Variants in SYNE3 observed in about 807,000 individuals in gnomAD.
SYNE3 encodes nesprin-3.
Under a neutral mutation model 111.2 loss-of-function variants are expected in SYNE3, and 100 were observed. That is an observed-to-expected ratio of 0.90 (90% CI 0.77 to 1.06). SYNE3 has a LOEUF of 1.06. Ranked by LOEUF, SYNE3 falls within the 50% of genes least tolerant of loss-of-function variation. SYNE3 has a pLI of 0.00. For missense variants in SYNE3, 1,160 were observed against 1,240.3 expected (o/e 0.94, Z 0.97); for synonymous variants, 547 against 533.9 (o/e 1.02, Z -0.34).
At chr14:95,422,133 C>T (rs184668990) in intron 17 of SYNE3, among the ~76,000 whole-genome samples, 154 of 152,296 alleles carry the variant, frequency 1.0e-3, no homozygotes, top group African/African-American at 3.6e-3. Flanking sequence ...TCCCTCCCTG[C>T]ACCTCTGGCC....
intron 2 of SYNE3, among the ~76,000 whole-genome samples, chr14:95,472,526 G>A (rs912649888): frequency 2.6e-5 from 4 of 152,186 alleles, no homozygotes; most frequent in African/African-American, 4.8e-5. Flanking sequence ...CCTCCATTTC[G>A]CCAGCTCTGC....
intron 11 of SYNE3, among the ~76,000 whole-genome samples, 163 bp downstream of exon 11, chr14:95,442,992 A>G (rs1161362171): frequency 1.3e-5 from 2 of 152,196 alleles, no homozygotes; most frequent in South Asian, 2.1e-4. Flanking sequence ...GAGGTGCTCA[A>G]TAATTGTCTG....
intron 17 of SYNE3, among the ~76,000 whole-genome samples, chr14:95,420,252 A>G (rs1029367453): frequency 6.6e-6 from 1 of 152,090 alleles, no homozygotes; most frequent in African/African-American, 2.4e-5. Flanking sequence ...GAGTTCACAG[A>G]GAAGGTGGTT....
intron 4 of SYNE3, among the ~76,000 whole-genome samples, chr14:95,465,728 G>T (rs1347662558): frequency 6.6e-6 from 1 of 152,094 alleles, no homozygotes; most frequent in East Asian, 1.9e-4. Flanking sequence ...GATTTAGTGG[G>T]GAGGTAGATG....
intron 1 of SYNE3, among the ~76,000 whole-genome samples, chr14:95,505,712 TA>T (rs1202809826): frequency 6.6e-6 from 1 of 152,102 alleles, no homozygotes; most frequent in African/African-American, 2.4e-5. Flanking sequence ...TTACCTTAAA[TA>T]AAAAAACAGG....
At chr14:95,425,097 T>C (rs1350997897) in intron 17 of SYNE3, among the ~76,000 whole-genome samples, 1 of 151,734 alleles carries the variant, frequency 6.6e-6, no homozygotes, top group African/African-American at 2.4e-5. Context: ...AAAAAACAAA[T>C]TAGCCTGGTG....
Position 95,475,748 on chromosome 14 carries a change from T to C in SYNE3, c.74A>G (p.Asp25Gly), listed in dbSNP as rs563262041. The stretch of plus-strand genomic sequence containing the variant: ...CGTGTTGTCATTGACCTGCAGCTGG[T>C]CCTGCACAGCCTTCATCCATGCCTG... ...DAQAWMKAVQDQLQVNDNTQG... is the reference protein window; with the variant it reads ...DAQAWMKAVQGQLQVNDNTQG... The change falls in exon 2 of 18, where the codon GAC (aspartate) becomes GGC (glycine). Residue 25 changes from aspartate (D) to glycine (G), a missense_variant. Coordinates refer to ENST00000682763, the MANE Select transcript of SYNE3 (RefSeq NM_152592.6). The C allele has an allele frequency of 6.2e-7, 1 of 1,608,012 alleles. No homozygotes were observed. Among genetic ancestry groups the C allele is most frequent in the African/African-American group, 1.3e-5 (1 of 74,814 alleles).
chr14:95,495,538 C>A (rs1428562806), intron 1 of SYNE3, among the ~76,000 whole-genome samples: 1 of 152,234 alleles, frequency 6.6e-6, no homozygotes, highest in African/African-American at 2.4e-5. Flanking sequence ...AGGCACTGGG[C>A]AGACACCATG....
Position 95,466,107 on chromosome 14 carries a change from AC to A in SYNE3, c.450del (p.Gln150HisfsTer4). ...AGCACCTGGGCGTGGCTCAGCTGCC[AC>A]TGCTTCTCCTTCAGGCCCAGCTGGA... ...IELQLGLKEKQWQLSHAQVLL... is the reference protein window; with the variant it reads ...IELQLGLKEKXWQLSHAQVLL... On this transcript the variant is annotated frameshift_variant, in exon 4 of 18. Transcript: ENST00000682763. LOFTEE classifies it high-confidence loss of function. 1 of 1,612,968 alleles carries A rather than the reference AC, an allele frequency of 6.2e-7. No individual in the cohort carries two copies. Among genetic ancestry groups the A allele is most frequent in the Non-Finnish European group, 8.5e-7 (1 of 1,179,028 alleles).
In SYNE3 at chr14:95,500,524, G is replaced by A. The variant is rs914026868; in HGVS notation, c.-15+16072C>T. Reference sequence around the variant, plus strand: ...AGCTGCCCTCTGGGACTTTGCTTTGGCCCAGCCGGACTCAGCGGGAGGAGG... The same window carrying A: ...AGCTGCCCTCTGGGACTTTGCTTTGACCCAGCCGGACTCAGCGGGAGGAGG... On this transcript the variant is annotated intron_variant, in intron 1 of 17. Transcript: ENST00000682763. This position sits in a 1 kb window ranked among gnomAD's most constrained non-coding sequence, Gnocchi z 4.7. Among the ~76,000 whole-genome samples the A allele has an allele frequency of 6.6e-6, 1 of 152,180 alleles. No homozygotes were observed. The highest frequency in any genetic ancestry group is 2.4e-5 in the African/African-American group (1 of 41,426).
Position 95,455,669 on chromosome 14 carries a change from T to G in SYNE3, c.845A>C (p.Gln282Pro). 3 of 1,614,230 alleles carry G rather than the reference T, an allele frequency of 1.9e-6. No individual in the cohort carries two copies. The highest frequency in any genetic ancestry group is 2.5e-6 in the Non-Finnish European group (3 of 1,180,042). Residue 282 changes from glutamine to proline, a missense_variant, in exon 6 of 18, where the codon CAG (glutamine) becomes CCG (proline). Gln to Pro is a moderately conservative substitution (Grantham distance 76). Coordinates refer to ENST00000682763, the MANE Select transcript of SYNE3 (RefSeq NM_152592.6). ...GEESLETLEE[Q>P]SAGVIRNTSP... Reference sequence around the variant, plus strand: ...GGTGTTCCGAATGACACCCGCAGACTGCTCCTCCAGCGTCTCCAGAGACTC... The same window carrying G: ...GGTGTTCCGAATGACACCCGCAGACGGCTCCTCCAGCGTCTCCAGAGACTC...
At chr14:95,511,120 T>C (rs1890706392) in intron 1 of SYNE3, among the ~76,000 whole-genome samples, 1 of 152,276 alleles carries the variant, frequency 6.6e-6, no homozygotes, top group Non-Finnish European at 1.5e-5. Flanking sequence ...CTGCTCCATC[T>C]TCACCTGCTG....
chr14:95,418,481 T>C (rs1884879957), intron 17 of SYNE3, among the ~76,000 whole-genome samples: 1 of 152,188 alleles, frequency 6.6e-6, no homozygotes, highest in African/African-American at 2.4e-5. Context: ...GCATCCTTAA[T>C]ATTTCACCAT....
In SYNE3 at chr14:95,409,305, T is replaced by A. The variant is rs1266271487; in HGVS notation, c.*8521A>T. 4.4e-6 allele frequency: 2 copies of A among 456,652 alleles called. No individual in the cohort carries two copies. The highest frequency in any genetic ancestry group is 8.8e-6 in the Non-Finnish European group (2 of 226,970). The allele number at this position is 456,652 out of a possible 1,614,324, so 28.3% of individuals were successfully genotyped here. On this transcript the variant is annotated 3_prime_UTR_variant, in exon 18 of 18. Transcript: ENST00000682763. Reference sequence around the variant, plus strand: ...TAGCACAGGCTTTTTGAAAGTGTCATGACCATATTGCAGGCGCTCGGGGTA... The same window carrying A: ...TAGCACAGGCTTTTTGAAAGTGTCAAGACCATATTGCAGGCGCTCGGGGTA...
Position 95,443,259 on chromosome 14 carries a change from C to A in SYNE3, c.1807G>T (p.Ala603Ser). Residue 603 changes from alanine (A) to serine (S), a missense_variant, in exon 11 of 18, where the codon GCA (alanine) becomes TCA (serine). Coordinates refer to ENST00000682763, the MANE Select transcript of SYNE3 (RefSeq NM_152592.6). ...AGAGGCCTTGCAGCCTCCATCTGTGCCCCCAAGTCCAGCCCCTCTTCCTGC... is the reference window on the plus strand; with the variant it reads ...AGAGGCCTTGCAGCCTCCATCTGTGACCCCAAGTCCAGCCCCTCTTCCTGC... The part of the protein sequence containing the change: ...GLQEEGLDLG[A>S]QMEAARPLVQ... 1 of 1,614,178 alleles carries A rather than the reference C, an allele frequency of 6.2e-7. No individual in the cohort carries two copies. The highest frequency in any genetic ancestry group is 8.5e-7 in the Non-Finnish European group (1 of 1,180,030).
chr14:95,512,046 C>T (rs1043484425), intron 1 of SYNE3, among the ~76,000 whole-genome samples: 1 of 152,136 alleles, frequency 6.6e-6, no homozygotes, highest in Non-Finnish European at 1.5e-5. Context: ...TAGGCCAGGA[C>T]CTTTAAAAAT....
rs1047403 is a variant in SYNE3, at chr14:95,408,171, C to A, written c.*9655G>T. 6.6e-6 allele frequency: 1 copy of A among 151,724 alleles called. No homozygotes were observed. Among genetic ancestry groups the A allele is most frequent in the Non-Finnish European group, 1.5e-5 (1 of 67,974 alleles). The allele number at this position is 151,724 out of a possible 1,614,324, so 9.4% of individuals were successfully genotyped here. Reference sequence around the variant, plus strand: ...GGTTCTGAGGAGACATGGGGCCCTCCCATGGGACGGATGACAAATGAAACG... The same window carrying A: ...GGTTCTGAGGAGACATGGGGCCCTCACATGGGACGGATGACAAATGAAACG... On this transcript the variant is annotated 3_prime_UTR_variant, in exon 18 of 18. Transcript: ENST00000682763.
In SYNE3 at chr14:95,470,876, T is replaced by C. The variant is rs1888488081; in HGVS notation, c.145-2909A>G. Among the ~76,000 whole-genome samples the C allele has an allele frequency of 6.6e-6, 1 of 151,038 alleles. No individual in the cohort carries two copies. Among genetic ancestry groups the C allele is most frequent in the African/African-American group, 2.4e-5 (1 of 40,964 alleles). On this transcript the variant is annotated intron_variant, in intron 2 of 17. Transcript: ENST00000682763. The surrounding 1 kb of genome is among the most constrained non-coding windows in gnomAD (Gnocchi z 4.2). ...AGGAGGCTGAGGCAGGAGACTTGCT[T>C]GAACCTGGGAGGCAGATGTTGCAGT...
chr14:95,506,714 G>C (rs1234782061), intron 1 of SYNE3, among the ~76,000 whole-genome samples: 3 of 152,196 alleles, frequency 2.0e-5, no homozygotes, highest in African/African-American at 7.2e-5. Flanking sequence ...TGGAACGGGC[G>C]TGACCCAGCA....
Sources: allele counts gnomAD v4.1 joint callset (sites outside exome capture counted in the v4.1 genomes callset), GRCh38; gene constraint gnomAD v4.1.1; non-coding constraint Gnocchi (gnomAD v3.1); transcripts MANE v1.5; gene names NCBI Gene and HGNC (gene_info 2026-07-23, HGNC 2026-07-21).